MEIS2: variants seen among roughly 807,000 people sequenced by gnomAD.
The protein encoded by MEIS2 is Meis homeobox 2, also known as homeobox protein Meis2.
Under a neutral mutation model 58.6 loss-of-function variants are expected in MEIS2, and 9 were observed. The observed-to-expected ratio is 0.15, with a 90% CI of 0.09 to 0.27. The LOEUF (loss-of-function observed/expected upper bound fraction) is 0.27, where lower values mean the gene tolerates loss of function less well. MEIS2 is among the 10% of genes least tolerant of loss of function. The pLI is 1.00. For missense variants in MEIS2, 427 were observed against 635.0 expected, an observed-to-expected ratio of 0.67 and a Z score of 3.52; for synonymous variants, 221 against 228.4, an observed-to-expected ratio of 0.97 and a Z score of 0.29.
At chr15:36,913,279 T>C (rs2057128867) in intron 9 of MEIS2, among the ~76,000 whole-genome samples, 1 of 152,232 alleles carries the variant, frequency 6.6e-6, no homozygotes, top group South Asian at 2.1e-4. Context: ...TTGCAGATTA[T>C]ATTTTTATAT....
chr15:37,068,487 C>T (rs1177080313), intron 7 of MEIS2, among the ~76,000 whole-genome samples: 1 of 152,166 alleles, frequency 6.6e-6, no homozygotes, highest in East Asian at 1.9e-4. Context: ...TAGCTATTAA[C>T]CAATCGTCAA....
At chr15:37,039,633 AT>A (rs1454178661) in intron 7 of MEIS2, among the ~76,000 whole-genome samples, 9 of 152,252 alleles carry the variant, frequency 5.9e-5, no homozygotes, top group African/African-American at 2.2e-4. Context: ...AAGAAAAAAT[AT>A]AGCTAGATTG....
chr15:36,967,464 A>G (rs1200061525), intron 8 of MEIS2, among the ~76,000 whole-genome samples: 3 of 152,184 alleles, frequency 2.0e-5, no homozygotes, highest in Admixed American at 6.5e-5. Flanking sequence ...TTTGGAAGAA[A>G]GTCTTTAACT....
intron 8 of MEIS2, among the ~76,000 whole-genome samples, chr15:36,981,124 A>G (rs2059915990): frequency 6.6e-6 from 1 of 151,968 alleles, no homozygotes; most frequent in Non-Finnish European, 1.5e-5. Flanking sequence ...ATGTTCCACA[A>G]TTTCATTTGT....
chr15:36,953,946 CA>C (rs1476367865), intron 8 of MEIS2, among the ~76,000 whole-genome samples: 3 of 152,136 alleles, frequency 2.0e-5, no homozygotes, highest in Non-Finnish European at 4.4e-5. Flanking sequence ...ACCTAATAGT[CA>C]ACTTCTTTTG....
At chr15:36,978,406 G>A (rs2059826794) in intron 8 of MEIS2, among the ~76,000 whole-genome samples, 1 of 152,222 alleles carries the variant, frequency 6.6e-6, no homozygotes, top group Non-Finnish European at 1.5e-5. Flanking sequence ...AGGCCAGCCT[G>A]GCTCCAGGAT....
At chr15:36,930,230 AGAG>A in intron 9 of MEIS2, among the ~76,000 whole-genome samples, 1 of 150,080 alleles carries the variant, frequency 6.7e-6, no homozygotes, top group East Asian at 2.0e-4. Context: ...AGAGAGAGAG[AGAG>A]AAAAAAAAAG....
chr15:36,908,780 CA>C (rs1277356954), intron 9 of MEIS2, among the ~76,000 whole-genome samples: 1 of 151,936 alleles, frequency 6.6e-6, no homozygotes, highest in African/African-American at 2.4e-5. Flanking sequence ...ACTAAAAATA[CA>C]AAAAAGTATT....
chr15:36,912,598 T>C (rs2057084327), intron 9 of MEIS2, among the ~76,000 whole-genome samples: 1 of 152,150 alleles, frequency 6.6e-6, no homozygotes, highest in South Asian at 2.1e-4. Flanking sequence ...GCAAGCCACA[T>C]AAAGTCAATG....
intron 8 of MEIS2, among the ~76,000 whole-genome samples, chr15:37,027,572 T>C (rs1208580036): frequency 1.3e-5 from 2 of 152,222 alleles, no homozygotes; most frequent in Non-Finnish European, 2.9e-5. Context: ...ACATGCCTTC[T>C]ATGTTCCTTT....
At chr15:36,958,471 T>C (rs975214966) in intron 8 of MEIS2, among the ~76,000 whole-genome samples, 1 of 152,172 alleles carries the variant, frequency 6.6e-6, no homozygotes, top group Non-Finnish European at 1.5e-5. Flanking sequence ...CATATACATA[T>C]TCTAACAGAA....
At chr15:36,897,754 C>T (rs1462219354) in intron 9 of MEIS2, 1 of 152,168 alleles carries the variant, frequency 6.6e-6, no homozygotes, top group Non-Finnish European at 1.5e-5. Flanking sequence ...TAGCTTCTCC[C>T]TAAAAATATA....
At chr15:37,046,822 A>T (rs370674637) in intron 7 of MEIS2, among the ~76,000 whole-genome samples, 4 of 106,874 alleles carry the variant, frequency 3.7e-5, no homozygotes, top group South Asian at 7.5e-4. Context: ...AAATGTGGTT[A>T]TTCTCGTTTA....
At chr15:37,005,301 T>A (rs1037187724) in intron 8 of MEIS2, among the ~76,000 whole-genome samples, 1 of 152,124 alleles carries the variant, frequency 6.6e-6, no homozygotes, top group Admixed American at 6.6e-5. Flanking sequence ...AAGAGTAAGA[T>A]GATAAAAAAC....
chr15:37,063,234 T>C (rs537363217), intron 7 of MEIS2, among the ~76,000 whole-genome samples: 5 of 152,324 alleles, frequency 3.3e-5, no homozygotes, highest in African/African-American at 9.6e-5. Context: ...TCTCACTATG[T>C]TGCTCAGGGT....
At chr15:36,991,837 G>T (rs1378735396) in intron 8 of MEIS2, among the ~76,000 whole-genome samples, 3 of 120,534 alleles carry the variant, frequency 2.5e-5, no homozygotes, top group Non-Finnish European at 4.9e-5. Flanking sequence ...GCCCAGGCTG[G>T]AGTGCAGTGG....
At chr15:36,952,302 A>T (rs993498926) in intron 8 of MEIS2, among the ~76,000 whole-genome samples, 1 of 152,180 alleles carries the variant, frequency 6.6e-6, no homozygotes, top group African/African-American at 2.4e-5. Flanking sequence ...TTTTCCTGCC[A>T]AATTCAGGGG....
At chr15:37,056,268 A>G (rs984423091) in intron 7 of MEIS2, among the ~76,000 whole-genome samples, 3 of 152,190 alleles carry the variant, frequency 2.0e-5, no homozygotes, top group Non-Finnish European at 2.9e-5. Flanking sequence ...TCATGCTCGC[A>G]GATTTTCAGA....
chr15:36,961,619 C>CT (rs1016572995), intron 8 of MEIS2, among the ~76,000 whole-genome samples: 10 of 151,914 alleles, frequency 6.6e-5, no homozygotes, highest in Middle Eastern at 3.4e-3. Context: ...TAATATGTGG[C>CT]TTTTTTTTCC....
Sources: allele counts gnomAD v4.1 joint callset (sites outside exome capture counted in the v4.1 genomes callset), GRCh38; gene constraint gnomAD v4.1.1; transcripts MANE v1.5; gene names NCBI Gene and HGNC (gene_info 2026-07-23, HGNC 2026-07-21).